The following HPSE2 variants were observed in gnomAD, a reference collection of about 807,000 sequenced individuals.
HPSE2 encodes the protein heparanase 2 (inactive), also known as inactive heparanase-2.
In HPSE2, 38 loss-of-function variants were observed where a neutral mutation model predicts 60.5. That is an observed-to-expected ratio of 0.63 (90% CI 0.48 to 0.82). HPSE2 has a LOEUF of 0.82. Among genes scored for constraint, HPSE2 ranks in the 40% least tolerant of loss-of-function variants. The probability of loss-of-function intolerance (pLI) is 0.00; values close to 1 mark genes in which losing one functional copy is unlikely to be tolerated. For missense variants in HPSE2, 713 were observed against 740.4 expected, an observed-to-expected ratio of 0.96 and a Z score of 0.43; for synonymous variants, 295 against 293.2, an observed-to-expected ratio of 1.01 and a Z score of -0.06.
At chr10:98,788,973 A>C (rs1164082818) in intron 3 of HPSE2, among the ~76,000 whole-genome samples, 1 of 151,908 alleles carries the variant, frequency 6.6e-6, no homozygotes, top group African/African-American at 2.4e-5. Flanking sequence ...TCCTCCTCCT[A>C]TATCCACTTC....
At chr10:98,605,237 C>T (rs1945543802) in intron 9 of HPSE2, among the ~76,000 whole-genome samples, 1 of 152,146 alleles carries the variant, frequency 6.6e-6, no homozygotes, top group Non-Finnish European at 1.5e-5. Flanking sequence ...CTATGCAAGG[C>T]ACCTTATGTT....
At chr10:98,912,635 T>A (rs1433950833) in intron 3 of HPSE2, among the ~76,000 whole-genome samples, 1 of 152,154 alleles carries the variant, frequency 6.6e-6, no homozygotes, top group Non-Finnish European at 1.5e-5. Context: ...GAGGGTCATT[T>A]GCAAAAACCG....
intron 3 of HPSE2, among the ~76,000 whole-genome samples, chr10:99,018,690 T>G (rs906801743): frequency 6.6e-6 from 1 of 152,166 alleles, no homozygotes; most frequent in South Asian, 2.1e-4. Context: ...ATGCTCAATA[T>G]GACAAGGAAA....
At chr10:98,670,933 T>G (rs907034464) in intron 6 of HPSE2, among the ~76,000 whole-genome samples, 4 of 152,202 alleles carry the variant, frequency 2.6e-5, no homozygotes, top group African/African-American at 4.8e-5. Context: ...CCCAGCTGAA[T>G]AAAGCCCTTC....
intron 3 of HPSE2, among the ~76,000 whole-genome samples, chr10:99,085,724 G>A (rs1175689518): frequency 6.6e-6 from 1 of 152,162 alleles, no homozygotes; most frequent in African/African-American, 2.4e-5. Flanking sequence ...TATGGACTGA[G>A]ATTAGACAAA....
At chr10:98,930,044 A>T (rs1360964317) in intron 3 of HPSE2, among the ~76,000 whole-genome samples, 1 of 143,714 alleles carries the variant, frequency 7.0e-6, no homozygotes, top group Admixed American at 6.9e-5. Context: ...TTACATAGGT[A>T]AACGTGTGTC....
chr10:99,271,537 G>C, the HPSE2 span, among the ~76,000 whole-genome samples: 1 of 152,182 alleles, frequency 6.6e-6, no homozygotes, highest in Non-Finnish European at 1.5e-5. Context: ...TCATGGATGG[G>C]TAGAATCAAT....
chr10:98,661,784 T>C (rs138684493), intron 6 of HPSE2, among the ~76,000 whole-genome samples: 70 of 152,348 alleles, frequency 4.6e-4, no homozygotes, highest in African/African-American at 1.7e-3. Context: ...AATGACCTTG[T>C]GCAATGAATG....
chr10:98,848,416 T>TAA (rs146384443), intron 3 of HPSE2, among the ~76,000 whole-genome samples: 32 of 141,950 alleles, frequency 2.3e-4, no homozygotes, highest in Admixed American at 4.3e-4. Context: ...AGACTCTGTC[T>TAA]AAAAAAAAAA....
intron 9 of HPSE2, among the ~76,000 whole-genome samples, chr10:98,527,581 T>C (rs978802269): frequency 6.6e-6 from 1 of 152,192 alleles, no homozygotes; most frequent in Non-Finnish European, 1.5e-5. Flanking sequence ...TCTTTACCTA[T>C]TTAAAGTGGC....
At chr10:98,710,200 G>A (rs1358090810) in intron 5 of HPSE2, among the ~76,000 whole-genome samples, 1 of 152,094 alleles carries the variant, frequency 6.6e-6, no homozygotes, top group African/African-American at 2.4e-5. Flanking sequence ...TAGACTGGGT[G>A]CTACATAGAA....
At chr10:98,958,359 TA>T (rs201182335) in intron 3 of HPSE2, among the ~76,000 whole-genome samples, 25 of 150,428 alleles carry the variant, frequency 1.7e-4, no homozygotes, top group African/African-American at 4.1e-4. Context: ...ATAACAAGGT[TA>T]AAAAAAAATG....
At chr10:98,489,867 T>C (rs960925333) in intron 10 of HPSE2, among the ~76,000 whole-genome samples, 184 bp downstream of exon 10, 1 of 152,172 alleles carries the variant, frequency 6.6e-6, no homozygotes, top group African/African-American at 2.4e-5. Context: ...GAAGGGAGCG[T>C]TTACTTGGAG....
At position 99,113,839 on chromosome 10, in the gene HPSE2, G is replaced by GT. The variant is rs140843554; in HGVS notation, c.610+30398dup. On this transcript the variant is annotated intron_variant, in intron 3 of 11. Coordinates refer to ENST00000370552, the MANE Select transcript of HPSE2 (RefSeq NM_021828.5). ...ACTGTGTATTAGTGAAGTAATTTAG[G>GT]TTTTTTTTTTGGCTCAACTTCTTTT... 2.7e-3 allele frequency among the ~76,000 whole-genome samples: 402 copies of GT among 146,998 alleles called. 3 individuals are homozygous for GT. The highest frequency in any genetic ancestry group is 7.4e-3 in the African/African-American group (297 of 40,222).
chr10:98,997,112 CTTTTT>C (rs34434956), intron 3 of HPSE2, among the ~76,000 whole-genome samples: 1 of 119,726 alleles, frequency 8.4e-6, no homozygotes, highest in Non-Finnish European at 1.6e-5. Context: ...CAGACCCTTT[CTTTTT>C]TTTTTTTTTT....
At chr10:98,649,045 T>C (rs1438506038) in intron 6 of HPSE2, among the ~76,000 whole-genome samples, 2 of 152,124 alleles carry the variant, frequency 1.3e-5, no homozygotes, top group African/African-American at 2.4e-5. Flanking sequence ...TAAATCTAAA[T>C]TGTGAGGCAT....
the HPSE2 span, among the ~76,000 whole-genome samples, chr10:99,305,979 G>GCGCACGCGCACACACACA: frequency 1.2e-5 from 1 of 80,580 alleles, no homozygotes; most frequent in Non-Finnish European, 2.4e-5. Context: ...GCGCGCGCGC[G>GCGCACGCGCACACACACA]CACACACACA....
At chr10:98,520,579 G>A (rs1053399321) in intron 9 of HPSE2, among the ~76,000 whole-genome samples, 5 of 152,190 alleles carry the variant, frequency 3.3e-5, no homozygotes, top group South Asian at 2.1e-4. Flanking sequence ...AGTGGGCTTC[G>A]AGGCGCAAAG....
intron 3 of HPSE2, among the ~76,000 whole-genome samples, chr10:98,934,165 C>T (rs192221386): frequency 2.1e-5 from 3 of 144,134 alleles, no homozygotes; most frequent in Admixed American, 6.9e-5. Flanking sequence ...AGTCTATGTG[C>T]GTCTTTGCAC....
Sources: allele counts gnomAD v4.1 joint callset (sites outside exome capture counted in the v4.1 genomes callset), GRCh38; gene constraint gnomAD v4.1.1; transcripts MANE v1.5; gene names NCBI Gene and HGNC (gene_info 2026-07-23, HGNC 2026-07-21).